The following EHMT1 variants were observed in gnomAD, a reference collection of about 807,000 sequenced individuals.
The protein encoded by EHMT1 is histone-lysine N-methyltransferase EHMT1.
Under a neutral mutation model 147.2 loss-of-function variants are expected in EHMT1, and 15 were observed. The observed-to-expected ratio is 0.10, with a 90% CI of 0.07 to 0.16. The LOEUF is 0.16. Ranked by LOEUF, EHMT1 falls within the 10% of genes least tolerant of loss-of-function variation. The pLI is 1.00. For synonymous variants in EHMT1, 795 were observed against 709.6 expected (o/e 1.12, Z -1.91); for missense variants, 1,587 against 1,772.4 (o/e 0.90, Z 1.88).
chr9:137,790,727 T>G, intron 15 of EHMT1, 121 bp from the exon 16 acceptor site: 2 of 1,385,488 alleles, frequency 1.4e-6, no homozygotes, highest in Admixed American at 1.7e-5. Flanking sequence ...AACTCAGACA[T>G]TGTTGGTCAC....
chr9:137,817,162 T>C, intron 23 of EHMT1: 1 of 522,926 alleles, frequency 1.9e-6, no homozygotes, highest in Non-Finnish European at 3.5e-6. Flanking sequence ...CAGGCCCAGC[T>C]CTGTCCCCAT....
chr9:137,788,124 G>C, intron 15 of EHMT1: 1 of 1,239,552 alleles, frequency 8.1e-7, no homozygotes. Flanking sequence ...AGGCCTCTCA[G>C]AGGAGGGCAG....
At chr9:137,718,601 T>C (rs9314636) in intron 3 of EHMT1, among the ~76,000 whole-genome samples, 23,160 of 152,148 alleles carry the variant, frequency 0.15, 3,402 homozygotes, top group African/African-American at 0.39. Flanking sequence ...TCTTCTGTCC[T>C]CCTGGGCAGT....
At chr9:137,675,462 T>TTATA (rs1223223741) in intron 1 of EHMT1, among the ~76,000 whole-genome samples, 1 of 151,984 alleles carries the variant, frequency 6.6e-6, no homozygotes, top group Non-Finnish European at 1.5e-5. Context: ...TTTTTAAATT[T>TTATA]TATTTATTTA....
At position 137,732,949 on chromosome 9, in the gene EHMT1, C is replaced by T. The variant is rs1947243701; in HGVS notation, c.823+4420C>T. On this transcript the variant is annotated intron_variant, in intron 4 of 26. Coordinates refer to ENST00000460843, the MANE Select transcript of EHMT1 (RefSeq NM_024757.5). The surrounding 1 kb of genome is among the most constrained non-coding windows in gnomAD (Gnocchi z 4.6). ...TCTGCTCTTTCCCTCCTGCTACCCC[C>T]TTAAGTTTACCACAGGCAGGAAAGA... Among the ~76,000 whole-genome samples, 1 of 152,200 alleles carries T rather than the reference C, an allele frequency of 6.6e-6. No homozygotes were observed. Among genetic ancestry groups the T allele is most frequent in the East Asian group, 1.9e-4 (1 of 5,196 alleles).
In EHMT1 at chr9:137,828,546, G is replaced by A. The variant is rs982917332; in HGVS notation, c.3541-5803G>A. Among the ~76,000 whole-genome samples, 8 of 151,302 alleles carry A rather than the reference G, an allele frequency of 5.3e-5. No individual in the cohort carries two copies. The highest frequency in any genetic ancestry group is 2.1e-4 in the South Asian group (1 of 4,776). On this transcript the variant is annotated intron_variant, in intron 25 of 26. Coordinates refer to ENST00000460843, the MANE Select transcript of EHMT1 (RefSeq NM_024757.5). The surrounding 1 kb of genome is among the most constrained non-coding windows in gnomAD (Gnocchi z 5.3). Reference sequence around the variant, plus strand: ...TGGGGTCAGACTGAGAAAGGGGCTCGTCCTGAGAAGCCACAAAGTGTGCTC... The same window carrying A: ...TGGGGTCAGACTGAGAAAGGGGCTCATCCTGAGAAGCCACAAAGTGTGCTC...
At chr9:137,681,030 G>A (rs866145233) in intron 1 of EHMT1, 12 of 152,418 alleles carry the variant, frequency 7.9e-5, no homozygotes, top group Middle Eastern at 3.4e-3. Context: ...TATACTCGGG[G>A]CCACCTGACC....
intron 13 of EHMT1, among the ~76,000 whole-genome samples, chr9:137,778,808 C>T (rs1465016449): frequency 1.3e-5 from 2 of 152,182 alleles, no homozygotes; most frequent in African/African-American, 4.8e-5. Flanking sequence ...AGAAAAGAGG[C>T]TTAATTGGCT....
chr9:137,763,090 G>C, intron 10 of EHMT1: 1 of 608,098 alleles, frequency 1.6e-6, no homozygotes, highest in Non-Finnish European at 2.9e-6. Flanking sequence ...TTATGATCAT[G>C]GTTTTGTCAA....
chr9:137,710,602 G>A (rs1228682129), intron 1 of EHMT1, among the ~76,000 whole-genome samples: 3 of 152,098 alleles, frequency 2.0e-5, no homozygotes, highest in Non-Finnish European at 4.4e-5. Flanking sequence ...GTAGGAGGTT[G>A]GACATTTGAA....
intron 1 of EHMT1, among the ~76,000 whole-genome samples, chr9:137,662,647 C>G (rs760052003): frequency 6.6e-6 from 1 of 151,966 alleles, no homozygotes. Flanking sequence ...TTACAGATGC[C>G]TGCCACCACA....
intron 21 of EHMT1, 61 bp from the exon 22 acceptor site, chr9:137,814,370 T>G: frequency 6.4e-7 from 1 of 1,558,416 alleles, no homozygotes; most frequent in Admixed American, 1.7e-5. Flanking sequence ...TAGTTGTGAC[T>G]GGGAGGGGAA....
intron 23 of EHMT1, 190 bp downstream of exon 23, chr9:137,816,252 A>G: frequency 1.5e-6 from 1 of 652,808 alleles, no homozygotes; most frequent in African/African-American, 1.8e-5. Flanking sequence ...ATCACGAGTC[A>G]TGCTTCCCCC....
At chr9:137,664,439 T>C (rs898799979) in intron 1 of EHMT1, among the ~76,000 whole-genome samples, 1 of 152,112 alleles carries the variant, frequency 6.6e-6, no homozygotes, top group Non-Finnish European at 1.5e-5. Context: ...TTTGTATTTT[T>C]AGTAGAGACT....
chr9:137,773,201 T>A (rs1410663752), intron 10 of EHMT1, among the ~76,000 whole-genome samples: 2 of 152,256 alleles, frequency 1.3e-5, no homozygotes, highest in East Asian at 3.8e-4. Context: ...CACATTGAAT[T>A]TTTGAAAATA....
At chr9:137,793,720 G>T (rs78973601) in intron 16 of EHMT1, among the ~76,000 whole-genome samples, 5,691 of 152,278 alleles carry the variant, frequency 0.037, 150 homozygotes, top group Middle Eastern at 0.071. Context: ...AAAAAGTAAT[G>T]AAATTTTGAC....
intron 1 of EHMT1, among the ~76,000 whole-genome samples, chr9:137,682,065 C>G (rs146176330): frequency 0.012 from 1,867 of 152,174 alleles, 33 homozygotes; most frequent in African/African-American, 0.042. Flanking sequence ...ATTCTCCTGC[C>G]TCAGCCTCCC....
Position 137,775,317 on chromosome 9 carries a change from G to C in EHMT1, c.1791+65G>C. 6.3e-7 allele frequency: 1 copy of C among 1,587,368 alleles called. No homozygotes were observed. The highest frequency in any genetic ancestry group is 1.1e-5 in the South Asian group (1 of 89,566). On this transcript the variant is annotated intron_variant, in intron 11 of 26. Transcript: ENST00000460843. The surrounding 1 kb of genome is among the most constrained non-coding windows in gnomAD (Gnocchi z 6.1). ...CTTTGCTGTCTGCTCACTGGTGCTG[G>C]TTCCTGTCCTGTGTCCACCTGCTGT...
chr9:137,778,095 T>C (rs756885805), intron 13 of EHMT1, 40 bp downstream of exon 13: 1 of 1,612,720 alleles, frequency 6.2e-7, no homozygotes, highest in South Asian at 1.1e-5. Context: ...TCTCAGAGCC[T>C]GTTTTAATCT....
Sources: allele counts gnomAD v4.1 joint callset (sites outside exome capture counted in the v4.1 genomes callset), GRCh38; gene constraint gnomAD v4.1.1; non-coding constraint Gnocchi (gnomAD v3.1); transcripts MANE v1.5; gene names NCBI Gene and HGNC (gene_info 2026-07-23, HGNC 2026-07-21).